Variants in CSMD1 observed in about 807,000 individuals in gnomAD.
CSMD1 encodes CUB and Sushi multiple domains 1.
A neutral mutation model predicts 417.5 loss-of-function variants in CSMD1; 213 were observed. That is an observed-to-expected ratio of 0.51 (90% CI 0.46 to 0.57). CSMD1 has a LOEUF of 0.57. Ranked by LOEUF, CSMD1 falls within the 20% of genes least tolerant of loss-of-function variation. The pLI is 0.00. For missense variants in CSMD1, 6,923 were observed against 4,529.7 expected, an observed-to-expected ratio of 1.53 and a Z score of -15.17; for synonymous variants, 2,862 against 1,736.8, an observed-to-expected ratio of 1.65 and a Z score of -16.11.
Position 3,846,647 on chromosome 8 carries a change from A to G in CSMD1, c.819-92605T>C, listed in dbSNP as rs138441643. On this transcript the variant is annotated intron_variant, in intron 5 of 69. Transcript: ENST00000635120. ...TTAACTCACCTTATTTCTTTAGCCT[A>G]AGGATTTATTTAATTATTTATTTAG... Among the ~76,000 whole-genome samples, 733 of 152,268 alleles carry G rather than the reference A, an allele frequency of 4.8e-3. 3 individuals carry two copies. The highest frequency in any genetic ancestry group is 0.032 in the South Asian group (153 of 4,826).
At chr8:4,057,076 G>A (rs1369591075) in intron 3 of CSMD1, among the ~76,000 whole-genome samples, 4 of 152,262 alleles carry the variant, frequency 2.6e-5, no homozygotes, top group African/African-American at 9.6e-5. Flanking sequence ...GGGTCAAATG[G>A]TATTTGTAGT....
intron 2 of CSMD1, among the ~76,000 whole-genome samples, chr8:4,473,547 G>A (rs750728187): frequency 2.6e-5 from 4 of 152,116 alleles, no homozygotes; most frequent in South Asian, 2.1e-4. Context: ...CCTTTTTCTT[G>A]TACTTCTGCC....
intron 2 of CSMD1, among the ~76,000 whole-genome samples, chr8:4,467,810 G>T (rs1340868047): frequency 6.6e-6 from 1 of 152,134 alleles, no homozygotes; most frequent in Non-Finnish European, 1.5e-5. Context: ...AAGAACTAGT[G>T]AAATAATTGG....
chr8:3,362,194 T>C (rs1019554633), intron 20 of CSMD1, among the ~76,000 whole-genome samples: 8 of 152,168 alleles, frequency 5.3e-5, no homozygotes, highest in Admixed American at 1.3e-4. Flanking sequence ...ATCTCTGGAC[T>C]TCACAGTCAC....
intron 5 of CSMD1, among the ~76,000 whole-genome samples, chr8:3,905,157 G>A (rs1808032277): frequency 6.6e-6 from 1 of 151,956 alleles, no homozygotes; most frequent in Non-Finnish European, 1.5e-5. Flanking sequence ...TTTAAAGAAT[G>A]ATTAATAACA....
chr8:4,262,109 T>A (rs750439681), intron 3 of CSMD1, among the ~76,000 whole-genome samples: 1 of 152,206 alleles, frequency 6.6e-6, no homozygotes. Context: ...CTGTTACTTC[T>A]CTTTCCTATA....
intron 3 of CSMD1, among the ~76,000 whole-genome samples, chr8:4,179,430 A>G (rs181822614): frequency 6.6e-6 from 1 of 152,230 alleles, no homozygotes. Context: ...AATCAATTCA[A>G]GATGGATTAA....
At chr8:4,295,853 A>T (rs1797653566) in intron 3 of CSMD1, among the ~76,000 whole-genome samples, 1 of 149,208 alleles carries the variant, frequency 6.7e-6, no homozygotes, top group Non-Finnish European at 1.5e-5. Flanking sequence ...AGATTTCTTC[A>T]ACCATTATCC....
At chr8:4,418,511 C>T (rs948975202) in intron 3 of CSMD1, among the ~76,000 whole-genome samples, 1 of 152,156 alleles carries the variant, frequency 6.6e-6, no homozygotes, top group East Asian at 1.9e-4. Flanking sequence ...TCAACTTCAT[C>T]AGGAGGGGAG....
chr8:3,960,060 C>T (rs1270902235), intron 5 of CSMD1, among the ~76,000 whole-genome samples: 3 of 152,170 alleles, frequency 2.0e-5, no homozygotes, highest in Admixed American at 1.3e-4. Flanking sequence ...GAATGTGTTT[C>T]AGGATGATCA....
intron 41 of CSMD1, among the ~76,000 whole-genome samples, chr8:3,139,303 A>G (rs2129030193): frequency 6.6e-6 from 1 of 152,248 alleles, no homozygotes; most frequent in East Asian, 1.9e-4. Context: ...GAGGATTCCA[A>G]CCTCCTATAT....
chr8:4,057,884 T>C (rs1242419736), intron 3 of CSMD1, among the ~76,000 whole-genome samples: 2 of 152,184 alleles, frequency 1.3e-5, no homozygotes, highest in Non-Finnish European at 1.5e-5. Context: ...TTCTGTTCCA[T>C]TGATCTATAT....
chr8:4,655,103 T>C (rs1354638800), intron 1 of CSMD1, among the ~76,000 whole-genome samples: 2 of 152,094 alleles, frequency 1.3e-5, no homozygotes, highest in Non-Finnish European at 2.9e-5. Flanking sequence ...AATTTACCTA[T>C]ATTACTAATT....
chr8:4,086,155 C>G (rs1022695801), intron 3 of CSMD1, among the ~76,000 whole-genome samples: 1 of 151,872 alleles, frequency 6.6e-6, no homozygotes, highest in Non-Finnish European at 1.5e-5. Context: ...CAATTTTTTT[C>G]AAAAAGTGCA....
intron 5 of CSMD1, among the ~76,000 whole-genome samples, chr8:3,940,019 T>C (rs1194431495): frequency 6.6e-6 from 1 of 151,994 alleles, no homozygotes; most frequent in Non-Finnish European, 1.5e-5. Context: ...AAATAAAAAA[T>C]AAATCCATGT....
chr8:4,849,697 G>C (rs138667265), intron 1 of CSMD1, among the ~76,000 whole-genome samples: 1 of 152,172 alleles, frequency 6.6e-6, no homozygotes, highest in Non-Finnish European at 1.5e-5. Context: ...ATGCTGTACA[G>C]ATTTGAAGCT....
At chr8:3,839,837 G>T (rs1803002255) in intron 5 of CSMD1, among the ~76,000 whole-genome samples, 1 of 151,684 alleles carries the variant, frequency 6.6e-6, no homozygotes, top group South Asian at 2.1e-4. Context: ...TAAATGGAGG[G>T]AACATTATGG....
At chr8:4,464,302 G>C (rs552364438) in intron 2 of CSMD1, among the ~76,000 whole-genome samples, 13 of 152,020 alleles carry the variant, frequency 8.6e-5, no homozygotes, top group Admixed American at 7.2e-4. Flanking sequence ...GCATGCAATG[G>C]ACAGACGCTC....
In CSMD1 at chr8:4,425,378, C is replaced by T. The variant is rs1274755376; in HGVS notation, c.303-5313G>A. ...AAATGGATTCATTCTTATTTGTGTGCCAAAAAAAAAAAAAAAAAATAGAGT... is the reference window on the plus strand; with the variant it reads ...AAATGGATTCATTCTTATTTGTGTGTCAAAAAAAAAAAAAAAAAATAGAGT... On this transcript the variant is annotated intron_variant, in intron 2 of 69. Transcript: ENST00000635120. Among the ~76,000 whole-genome samples, 6 of 87,880 alleles carry T rather than the reference C, an allele frequency of 6.8e-5. No individual in the cohort carries two copies. In the South Asian group the frequency reaches 9.5e-4, roughly 14 times the overall value. The allele number at this position is 87,880 out of a possible 152,430, so 57.7% of individuals were successfully genotyped here.
Sources: gnomAD v4.1 joint callset for allele counts (sites outside exome capture counted in the v4.1 genomes callset) on GRCh38, gnomAD v4.1.1 for gene constraint, MANE v1.5 for transcripts, NCBI Gene and HGNC (gene_info 2026-07-23, HGNC 2026-07-21) for gene names.